Variants in NCK2 observed in about 807,000 individuals in gnomAD.
NCK2 encodes the protein cytoplasmic protein NCK2.
NCK2 carries 16 observed loss-of-function variants against 33.9 expected under a neutral mutation model. The ratio of observed to expected loss-of-function variants is 0.47; its 90% CI spans 0.32 to 0.72. The LOEUF (loss-of-function observed/expected upper bound fraction) is 0.72, where lower values mean the gene tolerates loss of function less well. Among genes scored for constraint, NCK2 ranks in the 30% least tolerant of loss-of-function variants. The probability of loss-of-function intolerance (pLI) is 0.03; values close to 1 mark genes in which losing one functional copy is unlikely to be tolerated. For synonymous variants in NCK2, 273 were observed against 239.9 expected, an observed-to-expected ratio of 1.14 and a Z score of -1.27; for missense variants, 418 against 537.3, an observed-to-expected ratio of 0.78 and a Z score of 2.19.
intron 2 of NCK2, among the ~76,000 whole-genome samples, chr2:105,833,722 T>G (rs1676285734): frequency 6.6e-6 from 1 of 152,140 alleles, no homozygotes; most frequent in Non-Finnish European, 1.5e-5. Flanking sequence ...TTCTACTAAT[T>G]TTGGGTTTGG....
intron 2 of NCK2, among the ~76,000 whole-genome samples, chr2:105,853,401 T>A (rs1677138908): frequency 6.6e-6 from 1 of 152,250 alleles, no homozygotes; most frequent in African/African-American, 2.4e-5. Context: ...CTTTTCATTT[T>A]GGAAAAATGT....
At chr2:105,774,194 A>G (rs948994332) in intron 1 of NCK2, among the ~76,000 whole-genome samples, 1 of 151,940 alleles carries the variant, frequency 6.6e-6, no homozygotes, top group Non-Finnish European at 1.5e-5. Context: ...TTTTTAGTAG[A>G]GACAGGTTTT....
At chr2:105,866,311 T>C (rs1677754091) in intron 3 of NCK2, among the ~76,000 whole-genome samples, 1 of 152,194 alleles carries the variant, frequency 6.6e-6, no homozygotes, top group Non-Finnish European at 1.5e-5. Context: ...ACGGTTGACA[T>C]TGTGTCTCTT....
intron 1 of NCK2, among the ~76,000 whole-genome samples, chr2:105,799,801 G>T (rs2104443886): frequency 6.6e-6 from 1 of 152,236 alleles, no homozygotes; most frequent in South Asian, 2.1e-4. Flanking sequence ...GAAGCCATTG[G>T]TCCTTACCTG....
intron 1 of NCK2, among the ~76,000 whole-genome samples, chr2:105,799,820 C>T (rs758231127): frequency 6.6e-6 from 1 of 152,180 alleles, no homozygotes; most frequent in Non-Finnish European, 1.5e-5. Flanking sequence ...TGGCCTTCCC[C>T]TCCGCCATCT....
chr2:105,806,067 T>C (rs1316110941), intron 1 of NCK2, among the ~76,000 whole-genome samples: 3 of 152,086 alleles, frequency 2.0e-5, no homozygotes, highest in African/African-American at 7.2e-5. Context: ...GCCCTTCCCA[T>C]GAAGTTAGGT....
chr2:105,831,214 T>C (rs2104522595), intron 2 of NCK2, among the ~76,000 whole-genome samples: 1 of 152,290 alleles, frequency 6.6e-6, no homozygotes, highest in East Asian at 1.9e-4. Context: ...CCTAAAGTGA[T>C]CTATACATTC....
chr2:105,804,424 C>T (rs901757498), intron 1 of NCK2, among the ~76,000 whole-genome samples: 2 of 152,186 alleles, frequency 1.3e-5, no homozygotes, highest in Non-Finnish European at 2.9e-5. Flanking sequence ...GGTTTTCATG[C>T]TCTTGTCTGG....
chr2:105,871,586 C>T (rs183191874), intron 3 of NCK2, among the ~76,000 whole-genome samples: 41 of 152,126 alleles, frequency 2.7e-4, no homozygotes, highest in African/African-American at 9.4e-4. Flanking sequence ...ACCTCCGACT[C>T]CCAGGTTCAA....
intron 1 of NCK2, among the ~76,000 whole-genome samples, chr2:105,814,334 C>T (rs1040069075): frequency 1.3e-5 from 2 of 152,220 alleles, no homozygotes; most frequent in African/African-American, 4.8e-5. Flanking sequence ...TCACGTTTTA[C>T]ACTTGAATCC....
At chr2:105,746,367 G>T (rs2104316221) in intron 1 of NCK2, among the ~76,000 whole-genome samples, 1 of 152,326 alleles carries the variant, frequency 6.6e-6, no homozygotes, top group South Asian at 2.1e-4. Flanking sequence ...TGGCCCAGGC[G>T]CAGTCCCCGC....
chr2:105,789,778 C>T (rs1003744801), intron 1 of NCK2, among the ~76,000 whole-genome samples: 3 of 152,186 alleles, frequency 2.0e-5, no homozygotes, highest in Non-Finnish European at 4.4e-5. Context: ...GACTGCTGCC[C>T]CACACACCCC....
intron 1 of NCK2, among the ~76,000 whole-genome samples, chr2:105,746,280 C>G (rs1043516379): frequency 1.3e-5 from 2 of 152,220 alleles, no homozygotes; most frequent in Non-Finnish European, 2.9e-5. Flanking sequence ...AGCTCCGTCC[C>G]TCGACCCAGA....
chr2:105,856,832 G>C (rs1209920348), intron 3 of NCK2: 1 of 152,102 alleles, frequency 6.6e-6, no homozygotes, highest in Non-Finnish European at 1.5e-5. Context: ...CCCCACATAA[G>C]CATGCCACTT....
Position 105,881,572 on chromosome 2 carries a change from C to G in NCK2, c.471C>G (p.Ile157Met). 6.2e-7 allele frequency: 1 copy of G among 1,613,856 alleles called. No homozygotes were observed. The highest frequency in any genetic ancestry group is 8.5e-7 in the Non-Finnish European group (1 of 1,180,006). The change falls in exon 4 of 5, where the codon ATC (isoleucine) becomes ATG (methionine). Residue 157 changes from isoleucine (I) to methionine (M), a missense_variant. Physicochemically the swap from Ile to Met is conservative, Grantham distance 10 (BLOSUM62 1). Coordinates refer to ENST00000233154, the MANE Select transcript of NCK2 (RefSeq NM_003581.5). ...GGCGGGGCAGCTACAACGGGCAGATCGGCTGGTTCCCCTCCAACTACGTCT... is the reference window on the plus strand; with the variant it reads ...GGCGGGGCAGCTACAACGGGCAGATGGGCTGGTTCCCCTCCAACTACGTCT... ...GWWRGSYNGQIGWFPSNYVLE... is the reference protein window; with the variant it reads ...GWWRGSYNGQMGWFPSNYVLE...
At chr2:105,780,773 C>T (rs1250824590) in intron 1 of NCK2, among the ~76,000 whole-genome samples, 1 of 152,218 alleles carries the variant, frequency 6.6e-6, no homozygotes, top group East Asian at 1.9e-4. Flanking sequence ...AGGGCCCCCT[C>T]ACCCCTTCAG....
chr2:105,883,123 C>G (rs1328897958), intron 4 of NCK2, among the ~76,000 whole-genome samples: 1 of 152,120 alleles, frequency 6.6e-6, no homozygotes, highest in African/African-American at 2.4e-5. Context: ...ATCAATTTTG[C>G]GGAGCCTTAC....
At chr2:105,843,849 C>A (rs999679301) in intron 2 of NCK2, among the ~76,000 whole-genome samples, 1 of 152,168 alleles carries the variant, frequency 6.6e-6, no homozygotes, top group Non-Finnish European at 1.5e-5. Context: ...AACTCCCCAC[C>A]CTTAAGCGTG....
chr2:105,761,253 C>A (rs1243804896), intron 1 of NCK2, among the ~76,000 whole-genome samples: 2 of 152,120 alleles, frequency 1.3e-5, no homozygotes, highest in African/African-American at 2.4e-5. Context: ...GGCTCAGAAG[C>A]TGGCGTGGGG....
Sources: gnomAD v4.1 joint callset for allele counts (sites outside exome capture counted in the v4.1 genomes callset) on GRCh38, gnomAD v4.1.1 for gene constraint, MANE v1.5 for transcripts, NCBI Gene and HGNC (gene_info 2026-07-23, HGNC 2026-07-21) for gene names.